ELAVL2: variants seen among roughly 807,000 people sequenced by gnomAD.
The protein encoded by ELAVL2 is ELAV-like protein 2.
In ELAVL2, 4 loss-of-function variants were observed where a neutral mutation model predicts 34.6. The ratio of observed to expected loss-of-function variants is 0.12; its 90% confidence interval spans 0.06 to 0.26. ELAVL2 has a LOEUF of 0.26. Among genes scored for constraint, ELAVL2 ranks in the 10% least tolerant of loss-of-function variants. ELAVL2 has a pLI of 1.00. For synonymous variants in ELAVL2, 193 were observed against 154.8 expected, an observed-to-expected ratio of 1.25 and a Z score of -1.83; for missense variants, 432 against 442.8, an observed-to-expected ratio of 0.98 and a Z score of 0.22.
the ELAVL2 span, among the ~76,000 whole-genome samples, chr9:23,835,266 C>G: frequency 0.21 from 32,548 of 151,850 alleles, 3,977 homozygotes; most frequent in Non-Finnish European, 0.26. Flanking sequence ...TATGTTGAGA[C>G]ACTTTTATTA....
intron 4 of ELAVL2, among the ~76,000 whole-genome samples, chr9:23,704,009 C>T (rs992396056): frequency 3.3e-5 from 5 of 151,930 alleles, no homozygotes; most frequent in African/African-American, 4.8e-5. Flanking sequence ...CTCAGCTCAC[C>T]GTGACCTCCG....
At chr9:23,731,841 A>G (rs553481053) in intron 2 of ELAVL2, among the ~76,000 whole-genome samples, 6 of 152,148 alleles carry the variant, frequency 3.9e-5, no homozygotes, top group Non-Finnish European at 7.4e-5. Context: ...AAAAAAGTCT[A>G]GAGTAAAAGT....
chr9:23,843,229 T>C, the ELAVL2 span, among the ~76,000 whole-genome samples: 2 of 152,172 alleles, frequency 1.3e-5, no homozygotes, highest in African/African-American at 4.8e-5. Context: ...GTATTTTACA[T>C]ACTTCCTTCC....
chr9:23,744,693 A>G (rs1031087981), intron 2 of ELAVL2, among the ~76,000 whole-genome samples: 4 of 152,002 alleles, frequency 2.6e-5, no homozygotes, highest in African/African-American at 9.7e-5. Flanking sequence ...GGATCTTAAC[A>G]CAAAAGCCTA....
At chr9:23,829,648 C>T (rs781458481), upstream of ELAVL2, 2 of 152,104 alleles carry the variant, frequency 1.3e-5, no homozygotes, top group Non-Finnish European at 2.9e-5. Context: ...GCTGATTACT[C>T]TTTTATTTAT....
chr9:23,760,878 C>T (rs1463750303), intron 2 of ELAVL2, among the ~76,000 whole-genome samples: 2 of 152,042 alleles, frequency 1.3e-5, no homozygotes, highest in Non-Finnish European at 2.9e-5. Context: ...CTCTAGAACT[C>T]ACTTGCAGAT....
chr9:23,833,645 A>G, the ELAVL2 span, among the ~76,000 whole-genome samples: 2 of 152,038 alleles, frequency 1.3e-5, 1 homozygote, highest in South Asian at 4.1e-4. Flanking sequence ...TTGTCACAAA[A>G]TGAATGCTAC....
rs531592469 is a variant in ELAVL2, at chr9:23,750,602, G to GA, written c.229+11403dup. On this transcript the variant is annotated intron_variant, in intron 2 of 6. Coordinates refer to ENST00000397312, the MANE Select transcript of ELAVL2 (RefSeq NM_004432.5). Reference sequence around the variant, plus strand: ...TAACCTAATACTCAGGTTCACAAAAGAAAAAAAAGACAATTTTAGAGGCAG... The same window carrying GA: ...TAACCTAATACTCAGGTTCACAAAAGAAAAAAAAAGACAATTTTAGAGGCAG... 1.4e-4 allele frequency among the ~76,000 whole-genome samples: 21 copies of GA among 151,612 alleles called. No homozygotes were observed. The South Asian group carries it at 4.0e-3, about 29-fold the overall frequency.
At chr9:23,735,165 A>G (rs1415224637) in intron 2 of ELAVL2, 1 of 149,832 alleles carries the variant, frequency 6.7e-6, no homozygotes, top group East Asian at 2.0e-4. Context: ...TAAATGCCAA[A>G]AAATTTGCCT....
chr9:23,839,802 T>C, the ELAVL2 span, among the ~76,000 whole-genome samples: 319 of 152,246 alleles, frequency 2.1e-3, 1 homozygote, highest in African/African-American at 7.1e-3. Context: ...AAGCAAAACA[T>C]TTTACCTATA....
chr9:23,701,314 G>T (rs2037111468), intron 5 of ELAVL2, 65 bp downstream of exon 5: 1 of 1,543,796 alleles, frequency 6.5e-7, no homozygotes, highest in Non-Finnish European at 8.9e-7. Context: ...TAAAAGTACT[G>T]GACAGTAAAC....
chr9:23,697,958 AT>A (rs1482794944), intron 5 of ELAVL2, among the ~76,000 whole-genome samples: 1 of 152,066 alleles, frequency 6.6e-6, no homozygotes, highest in Non-Finnish European at 1.5e-5. Flanking sequence ...GCCTTATTCA[AT>A]TAGATGGTAT....
intron 1 of ELAVL2, among the ~76,000 whole-genome samples, chr9:23,789,062 G>A (rs920923988): frequency 6.6e-6 from 1 of 152,290 alleles, no homozygotes. Flanking sequence ...ATAGAGGGCA[G>A]TGTAAGAATA....
chr9:23,750,428 T>C (rs546628022), intron 2 of ELAVL2, among the ~76,000 whole-genome samples: 2 of 152,154 alleles, frequency 1.3e-5, no homozygotes, highest in South Asian at 2.1e-4. Context: ...GGACAACAAA[T>C]AATAAAGAAT....
chr9:23,697,541 T>A (rs540318983), intron 5 of ELAVL2, among the ~76,000 whole-genome samples: 1 of 152,176 alleles, frequency 6.6e-6, no homozygotes, highest in South Asian at 2.1e-4. Context: ...CACACGCCCA[T>A]GTACATATGT....
intron 1 of ELAVL2, among the ~76,000 whole-genome samples, chr9:23,816,252 CT>C (rs1235036514): frequency 8.1e-6 from 1 of 123,412 alleles, no homozygotes; most frequent in Middle Eastern, 5.0e-3. Context: ...CTCAAAACAA[CT>C]ATCATTCCCT....
At chr9:23,735,884 G>C (rs916538425) in intron 2 of ELAVL2, among the ~76,000 whole-genome samples, 1 of 152,132 alleles carries the variant, frequency 6.6e-6, no homozygotes, top group Non-Finnish European at 1.5e-5. Flanking sequence ...TCAGAGCAAG[G>C]AGAGGAAAAC....
intron 3 of ELAVL2, among the ~76,000 whole-genome samples, chr9:23,715,758 A>G (rs774438488): frequency 6.6e-6 from 1 of 152,034 alleles, no homozygotes; most frequent in Non-Finnish European, 1.5e-5. Flanking sequence ...AGTATGCCTA[A>G]GACACTGTCA....
intron 2 of ELAVL2, among the ~76,000 whole-genome samples, chr9:23,736,387 T>G (rs1357187706): frequency 1.3e-5 from 2 of 152,176 alleles, no homozygotes. Context: ...GAAAAAGATC[T>G]TTCTCATAAA....
Sources: gnomAD v4.1 joint callset for allele counts (sites outside exome capture counted in the v4.1 genomes callset) on GRCh38, gnomAD v4.1.1 for gene constraint, MANE v1.5 for transcripts, NCBI Gene and HGNC (gene_info 2026-07-23, HGNC 2026-07-21) for gene names.